SHC1: variants seen among roughly 807,000 people sequenced by gnomAD.
SHC1 encodes the protein SHC-transforming protein 1.
In SHC1, 30 loss-of-function variants were observed where a neutral mutation model predicts 55.9. The observed-to-expected ratio is 0.54, with a 90% CI of 0.40 to 0.73. SHC1 has a LOEUF of 0.73. Ranked by LOEUF, SHC1 falls within the 30% of genes least tolerant of loss-of-function variation. The probability of loss-of-function intolerance (pLI) is 0.00; values close to 1 mark genes in which losing one functional copy is unlikely to be tolerated. For missense variants in SHC1, 675 were observed against 777.1 expected (o/e 0.87, Z 1.56); for synonymous variants, 309 against 306.1 (o/e 1.01, Z -0.10).
rs1381000345 is a variant in SHC1 at position 154,969,359 on chromosome 1, C to G, written c.566+19G>C. 2 of 1,582,630 alleles carry G rather than the reference C, an allele frequency of 1.3e-6. No individual in the cohort carries two copies. Among genetic ancestry groups the G allele is most frequent in the Non-Finnish European group, 8.7e-7 (1 of 1,155,102 alleles). On this transcript the variant is annotated intron_variant, in intron 2 of 11. Transcript: ENST00000448116. ...TCACTAATCCCAGGACTCCCACAAT[C>G]CACTCCCTCCCCACTAACCTGGTGA...
Position 154,970,660 on chromosome 1 carries a change from G to C in SHC1, c.-134C>G. On this transcript the variant is annotated 5_prime_UTR_variant, in exon 1 of 12. Coordinates refer to ENST00000448116, the MANE Select transcript of SHC1 (RefSeq NM_001130040.2). The surrounding 1 kb of genome is among the most constrained non-coding windows in gnomAD (Gnocchi z 5.5). ...GCCCAGGAGTCACAGAAGTCCTGGGGAGGGAGAGGGACAAGTGGCTTCCGC... is the reference window on the plus strand; with the variant it reads ...GCCCAGGAGTCACAGAAGTCCTGGGCAGGGAGAGGGACAAGTGGCTTCCGC... 1.7e-6 allele frequency: 1 copy of C among 603,258 alleles called. No homozygotes were observed. The highest frequency in any genetic ancestry group is 2.0e-5 in the South Asian group (1 of 48,862). The allele number at this position is 603,258 out of a possible 1,614,324, so 37.4% of individuals were successfully genotyped here.
At position 154,966,251 on chromosome 1, in the gene SHC1, G is replaced by A. The variant is rs767202518; in HGVS notation, c.1183-20C>T. On this transcript the variant is annotated intron_variant, in intron 8 of 11. Transcript: ENST00000448116. ...TACAGGCTGCAGGGATAAAAATAAG[G>A]TGAGACCAGAAGCCCTAACCAACCA... 17 of 1,613,672 alleles carry A rather than the reference G, an allele frequency of 1.1e-5. No individual in the cohort carries two copies. Among genetic ancestry groups the A allele is most frequent in the Non-Finnish European group, 1.4e-5 (17 of 1,179,800 alleles).
Position 154,965,304 on chromosome 1 carries a change from T to C in SHC1, c.1626+239A>G. 6 of 1,338,394 alleles carry C rather than the reference T, an allele frequency of 4.5e-6. No individual in the cohort carries two copies. The South Asian group carries it at 8.3e-5, about 18-fold the overall frequency. The allele number at this position is 1,338,394 out of a possible 1,614,324, so 82.9% of individuals were successfully genotyped here. ...CACCTGCCTCAGCCTCCCAAAGCGC[T>C]GGGATTACAGGTGTGAGCCACCACG... On this transcript the variant is annotated intron_variant, in intron 11 of 11. Transcript: ENST00000448116.
rs1156253641 is a variant in SHC1, at chr1:154,970,121, G to A, written c.406C>T (p.Arg136Cys). Residue 136 changes from arginine to cysteine, a missense_variant, in exon 1 of 12, where the codon CGC (arginine) becomes TGC (cysteine). Coordinates refer to ENST00000448116, the MANE Select transcript of SHC1 (RefSeq NM_001130040.2). The surrounding 1 kb of genome is among the most constrained non-coding windows in gnomAD (Gnocchi z 5.5). Reference protein sequence around the residue: ...GGQLGGEEWTRHGSFVNKPTR... With the variant: ...GGQLGGEEWTCHGSFVNKPTR... Reference sequence around the variant, plus strand: ...GGCTTATTGACAAAGCTCCCGTGGCGGGTCCACTCCTCGCCCCCAAGCTGG... The same window carrying A: ...GGCTTATTGACAAAGCTCCCGTGGCAGGTCCACTCCTCGCCCCCAAGCTGG... The A allele has an allele frequency of 8.7e-6, 14 of 1,613,506 alleles. No individual in the cohort carries two copies. Among genetic ancestry groups the A allele is most frequent in the African/African-American group, 2.7e-5 (2 of 75,010 alleles).
chr1:154,969,052 C>G (rs961958302), intron 2 of SHC1, among the ~76,000 whole-genome samples: 12 of 152,106 alleles, frequency 7.9e-5, no homozygotes, highest in African/African-American at 2.9e-4. Flanking sequence ...TATAGCCCCA[C>G]CCCCTTCCAG....
Position 154,967,623 on chromosome 1 carries a change from T to A in SHC1, c.983+48A>T, listed in dbSNP as rs201533777. ...AAGTGTAGGAAGAGCAGCCCTCCTT[T>A]CCTAATCCTAATCCAAGAGCTGCTC... On this transcript the variant is annotated intron_variant, in intron 7 of 11. Transcript: ENST00000448116. 2,295 of 1,599,024 alleles carry A rather than the reference T, an allele frequency of 1.4e-3. 2 individuals carry two copies. Among genetic ancestry groups the A allele is most frequent in the Non-Finnish European group, 1.8e-3 (2,142 of 1,170,470 alleles).
chr1:154,966,415 C>G lies in SHC1; in HGVS notation c.1086G>C (p.Gly362=), dbSNP rs1221084446. 1.9e-6 allele frequency: 3 copies of G among 1,613,620 alleles called. No individual in the cohort carries two copies. The highest frequency in any genetic ancestry group is 2.5e-6 in the Non-Finnish European group (3 of 1,179,808). ...DFPGKEPPLG[G]VVDMRLREGA... ...CTTCCCGAAGCCTCATGTCTACCAC[C>G]CCCCCCAAGGGGGGTTCCTTCCCCG... The change falls in exon 8 of 12, where the codon GGG becomes GGC. Residue 362 remains glycine (G), a synonymous_variant. Transcript: ENST00000448116.
rs3753644 is a variant in SHC1 at position 154,970,002 on chromosome 1, G to C, written c.495+30C>G. ...AGCATTAGAACTGGAGGGGGTCTGC[G>C]GGGGAATGGAGAGGAGGATGTTCAC... is the stretch of plus-strand genomic sequence containing the variant. On this transcript the variant is annotated intron_variant, in intron 1 of 11. Transcript: ENST00000448116. This position sits in a 1 kb window ranked among gnomAD's most constrained non-coding sequence, Gnocchi z 5.5. The C allele has an allele frequency of 1.2e-6, 2 of 1,611,690 alleles. No individual in the cohort carries two copies. The highest frequency in any genetic ancestry group is 2.2e-5 in the East Asian group (1 of 44,836).
rs548881288 is a variant in SHC1 at position 154,965,490 on chromosome 1, G to A, written c.1626+53C>T. The A allele has an allele frequency of 3.2e-5, 51 of 1,613,926 alleles. 1 individual carries two copies. In the South Asian group the frequency reaches 5.2e-4, roughly 16 times the overall value. On this transcript the variant is annotated intron_variant, in intron 11 of 11. Coordinates refer to ENST00000448116, the MANE Select transcript of SHC1 (RefSeq NM_001130040.2). ...GGGAAGGAAGAGGGATACACTGTAGGGTACTGTACCTTCCTTTTTGCCACC... is the reference window on the plus strand; with the variant it reads ...GGGAAGGAAGAGGGATACACTGTAGAGTACTGTACCTTCCTTTTTGCCACC...
chr1:154,964,110 G>T, intron 11 of SHC1, 179 bp from the exon 12 acceptor site: 1 of 771,234 alleles, frequency 1.3e-6, no homozygotes, highest in African/African-American at 1.7e-5. Context: ...ACAGTTGTAG[G>T]AATAGACAGG....
chr1:154,963,965 G>A lies in SHC1; in HGVS notation c.1627-34C>T, dbSNP rs775602453. 7 of 1,612,738 alleles carry A rather than the reference G, an allele frequency of 4.3e-6. No homozygotes were observed. The Admixed American group carries it at 1.2e-4, about 27-fold the overall frequency. ...GTGGGAAGGAAGAAGGTCAATTCAG[G>A]TGAAGAGTCAAATAAGACCTCAGCC... On this transcript the variant is annotated intron_variant, in intron 11 of 11. Transcript: ENST00000448116.
chr1:154,966,976 G>A (rs993176080), intron 7 of SHC1, among the ~76,000 whole-genome samples: 1 of 152,154 alleles, frequency 6.6e-6, no homozygotes, highest in Non-Finnish European at 1.5e-5. Context: ...AGGTGTGGTG[G>A]CATGCACCTG....
chr1:154,966,520 G>T lies in SHC1; in HGVS notation c.984-3C>A. The T allele has an allele frequency of 6.3e-7, 1 of 1,579,562 alleles. No homozygotes were observed. Among genetic ancestry groups the T allele is most frequent in the South Asian group, 1.2e-5 (1 of 85,528 alleles). The stretch of plus-strand genomic sequence containing the variant: ...CTGAGCCATCAAAGCCAGCCATCCT[G>T]AGGGACAGGACAGTGAAGCTGTGGC... On this transcript the variant is annotated splice_region_variant and splice_polypyrimidine_tract_variant and intron_variant, in intron 7 of 11. Coordinates refer to ENST00000448116, the MANE Select transcript of SHC1 (RefSeq NM_001130040.2).
chr1:154,970,608 G>C lies in SHC1; in HGVS notation c.-82C>G, dbSNP rs1296955467. The C allele has an allele frequency of 1.1e-6, 1 of 942,034 alleles. No individual in the cohort carries two copies. The highest frequency in any genetic ancestry group is 1.7e-5 in the African/African-American group (1 of 60,016). 58.4% of individuals were successfully genotyped at this position (942,034 alleles called of 1,614,324 possible). A position where few individuals can be genotyped will look rare whatever the true frequency, so the allele number is the denominator to read the frequency against. On this transcript the variant is annotated 5_prime_UTR_variant, in exon 1 of 12. Transcript: ENST00000448116. This position sits in a 1 kb window ranked among gnomAD's most constrained non-coding sequence, Gnocchi z 5.5. ...GGGGGCCAGGCAGGGGGTATCCCCA[G>C]GCCCTTAGCCTGGTTGGACCTCTGT... is the stretch of plus-strand genomic sequence containing the variant.
rs775825879 is a variant in SHC1, at chr1:154,967,729, C to T, written c.925G>A (p.Glu309Lys). ...CTGAGGTATTGTTTGAAGCGCAACT[C>T]GAAGGCCTGGCCAATGGTGCTGATG... ...DVISTIGQAFELRFKQYLRNP... is the reference protein window; with the variant it reads ...DVISTIGQAFKLRFKQYLRNP... Residue 309 changes from glutamate to lysine, a missense_variant, in exon 7 of 12, where the codon GAG becomes AAG. Physicochemically the swap from Glu to Lys is moderately conservative, Grantham distance 56 (BLOSUM62 1). Transcript: ENST00000448116. The T allele has an allele frequency of 2.5e-6, 4 of 1,613,988 alleles. No homozygotes were observed. The highest frequency in any genetic ancestry group is 1.7e-5 in the Admixed American group (1 of 59,990).
chr1:154,966,634 G>T lies in SHC1; in HGVS notation c.984-117C>A, dbSNP rs138709008. ...TTTACTATGGATTAAGCCTGAGGCT[G>T]AGTGTTTTATATACATAATCATTTC... On this transcript the variant is annotated intron_variant, in intron 7 of 11. Coordinates refer to ENST00000448116, the MANE Select transcript of SHC1 (RefSeq NM_001130040.2). 34 of 694,926 alleles carry T rather than the reference G, an allele frequency of 4.9e-5. No individual in the cohort carries two copies. The African/African-American group carries it at 5.8e-4, about 12-fold the overall frequency. The allele number at this position is 694,926 out of a possible 1,614,324, so 43.0% of individuals were successfully genotyped here. A position where few individuals can be genotyped will look rare whatever the true frequency, so the allele number is the denominator to read the frequency against.
In SHC1 at chr1:154,970,702, A is replaced by T; in HGVS notation, c.-176T>A. 1.9e-6 allele frequency: 1 copy of T among 539,836 alleles called. No homozygotes were observed. Among genetic ancestry groups the T allele is most frequent in the African/African-American group, 2.0e-5 (1 of 50,414 alleles). The allele number at this position is 539,836 out of a possible 1,614,324, so 33.4% of individuals were successfully genotyped here. On this transcript the variant is annotated 5_prime_UTR_variant, in exon 1 of 12. Coordinates refer to ENST00000448116, the MANE Select transcript of SHC1 (RefSeq NM_001130040.2). This position sits in a 1 kb window ranked among gnomAD's most constrained non-coding sequence, Gnocchi z 5.5. ...GGCTTCCGCTCCCCAGCTCAGACCC[A>T]GACAGTTTCAGGCCCCATCCCCGCC...
intron 11 of SHC1, chr1:154,964,178 C>T (rs1324678075): frequency 1.6e-6 from 1 of 618,350 alleles, no homozygotes; most frequent in African/African-American, 1.8e-5. Context: ...AAGCTGAGAG[C>T]TATATACCCC....
Position 154,966,200 on chromosome 1 carries a change from T to C in SHC1, c.1214A>G (p.Glu405Gly). 6.2e-7 allele frequency: 1 copy of C among 1,614,100 alleles called. No homozygotes were observed. Among genetic ancestry groups the C allele is most frequent in the Non-Finnish European group, 8.5e-7 (1 of 1,180,008 alleles). ...PVGQPVGGDPEVRKQMPPPPP... is the reference protein window; with the variant it reads ...PVGQPVGGDPGVRKQMPPPPP... Reference sequence around the variant, plus strand: ...TGGAGGTGGCATCTGTTTGCGGACTTCTGGATCTCCCCCAACAGGCTGTCC... The same window carrying C: ...TGGAGGTGGCATCTGTTTGCGGACTCCTGGATCTCCCCCAACAGGCTGTCC... The change falls in exon 9 of 12, where the codon GAA becomes GGA. Residue 405 changes from glutamate to glycine, a missense_variant. This residue lies in a region of SHC1 where 360 missense variants were observed against 371.1 expected (regional missense o/e 0.97). Coordinates refer to ENST00000448116, the MANE Select transcript of SHC1 (RefSeq NM_001130040.2).
Sources: allele counts gnomAD v4.1 joint callset (sites outside exome capture counted in the v4.1 genomes callset), GRCh38; gene constraint gnomAD v4.1.1; regional missense constraint gnomAD v4.1.1; non-coding constraint Gnocchi (gnomAD v3.1); transcripts MANE v1.5; gene names NCBI Gene and HGNC (gene_info 2026-07-23, HGNC 2026-07-21).